Variants in AK8 observed in about 807,000 individuals in gnomAD.
AK8 encodes the protein adenylate kinase 8.
Under a neutral mutation model 54.6 loss-of-function variants are expected in AK8, and 44 were observed. The ratio of observed to expected loss-of-function variants is 0.81; its 90% CI spans 0.63 to 1.04. The LOEUF (loss-of-function observed/expected upper bound fraction) is 1.04. AK8 is among the 50% of genes least tolerant of loss of function. The probability of loss-of-function intolerance (pLI) is 0.00; values close to 1 mark genes in which losing one functional copy is unlikely to be tolerated. For synonymous variants in AK8, 239 were observed against 245.6 expected (o/e 0.97, Z 0.25); for missense variants, 555 against 613.6 (o/e 0.90, Z 1.01).
intron 11 of AK8, among the ~76,000 whole-genome samples, chr9:132,752,216 T>C (rs1389734562): frequency 6.6e-6 from 1 of 151,702 alleles, no homozygotes; most frequent in African/African-American, 2.4e-5. Flanking sequence ...TATCTTTGGA[T>C]ATTGGAAATA....
chr9:132,827,192 C>T (rs117516258), intron 7 of AK8, 138 bp from the exon 8 acceptor site: 27,505 of 758,550 alleles, frequency 0.036, 637 homozygotes, highest in Non-Finnish European at 0.045. Flanking sequence ...GGCAGGACAC[C>T]GTTGCTCAAC....
At chr9:132,877,953 C>G (rs1383175594) in intron 1 of AK8, 3 of 1,233,028 alleles carry the variant, frequency 2.4e-6, no homozygotes, top group Non-Finnish European at 3.4e-6. Context: ...CCTTCCTCCC[C>G]CTGGGTCCGC....
At position 132,863,746 on chromosome 9, in the gene AK8, A is replaced by C; in HGVS notation, c.252T>G (p.Ser84Arg). The C allele has an allele frequency of 1.2e-6, 2 of 1,614,100 alleles. No homozygotes were observed. The highest frequency in any genetic ancestry group is 1.7e-6 in the Non-Finnish European group (2 of 1,179,990). ...AGATCAGGTTCTCCAGGGTGAGGAG[A>C]CTGCTGTTCAGATGTTTGCAGAGCC... ...AMWLCKHLNS[S>R]LLTLENLILN... is the part of the protein sequence containing the mutation. Residue 84 changes from serine (S) to arginine (R), a missense_variant, in exon 4 of 13, where the codon AGT becomes AGG. Ser to Arg is a moderately radical substitution (Grantham distance 110). Transcript: ENST00000298545.
chr9:132,796,533 G>GAA (rs1471255260), intron 10 of AK8, among the ~76,000 whole-genome samples: 1 of 152,112 alleles, frequency 6.6e-6, no homozygotes, highest in African/African-American at 2.4e-5. Context: ...AAATGATCTA[G>GAA]AATGTCCATC....
chr9:132,833,185 G>A (rs1842178798), intron 5 of AK8, among the ~76,000 whole-genome samples: 1 of 152,220 alleles, frequency 6.6e-6, no homozygotes, highest in Non-Finnish European at 1.5e-5. Flanking sequence ...TGCAGGCTTG[G>A]GGCTCAGAAA....
chr9:132,766,696 T>C (rs1365997820), intron 11 of AK8, among the ~76,000 whole-genome samples: 8 of 152,062 alleles, frequency 5.3e-5, no homozygotes, highest in Admixed American at 5.2e-4. Context: ...CAAAACAATT[T>C]TGAGCAAAAA....
chr9:132,784,756 A>G (rs1368515505), intron 11 of AK8, among the ~76,000 whole-genome samples: 3 of 152,226 alleles, frequency 2.0e-5, no homozygotes, highest in Non-Finnish European at 4.4e-5. Flanking sequence ...CAGGAAGTTT[A>G]GTATCTATGT....
At chr9:132,754,414 G>A (rs768767649) in intron 11 of AK8, among the ~76,000 whole-genome samples, 1 of 152,174 alleles carries the variant, frequency 6.6e-6, no homozygotes, top group African/African-American at 2.4e-5. Flanking sequence ...GGCACCCAGC[G>A]TGTAACACTG....
intron 11 of AK8, among the ~76,000 whole-genome samples, chr9:132,775,999 C>T (rs1839200235): frequency 6.6e-6 from 1 of 152,254 alleles, no homozygotes; most frequent in Admixed American, 6.5e-5. Context: ...AACAGGCTGT[C>T]ATAAACTAAG....
At chr9:132,783,527 C>T (rs543579137) in intron 11 of AK8, among the ~76,000 whole-genome samples, 1 of 149,568 alleles carries the variant, frequency 6.7e-6, no homozygotes, top group East Asian at 2.0e-4. Flanking sequence ...CATCTTGGGA[C>T]CCAGTTATAG....
chr9:132,769,446 G>C (rs1432318179), intron 11 of AK8: 2 of 152,212 alleles, frequency 1.3e-5, no homozygotes, highest in East Asian at 3.8e-4. Flanking sequence ...TCCCGGGAGG[G>C]ACCTTAGACT....
chr9:132,790,892 C>A lies in AK8; in HGVS notation c.1121+1742G>T, dbSNP rs1839918935. Among the ~76,000 whole-genome samples, 2 of 151,788 alleles carry A rather than the reference C, an allele frequency of 1.3e-5. No individual in the cohort carries two copies. Among genetic ancestry groups the A allele is most frequent in the Admixed American group, 6.6e-5 (1 of 15,228 alleles). ...TGTCTTTTGTATACTCTTGAAAAAC[C>A]CCCTTAGAAAATATGGAATGAAAAT... On this transcript the variant is annotated intron_variant, in intron 11 of 12. Transcript: ENST00000298545. This position sits in a 1 kb window ranked among gnomAD's most constrained non-coding sequence, Gnocchi z 4.1.
chr9:132,795,262 A>G (rs1840109227), intron 10 of AK8, among the ~76,000 whole-genome samples: 4 of 152,042 alleles, frequency 2.6e-5, no homozygotes, highest in African/African-American at 7.2e-5. Flanking sequence ...AAAGCTCGGG[A>G]GGGAGCTGGC....
chr9:132,784,483 C>T (rs754985540), intron 11 of AK8, among the ~76,000 whole-genome samples: 12 of 151,750 alleles, frequency 7.9e-5, no homozygotes, highest in Non-Finnish European at 1.2e-4. Flanking sequence ...TGCGCCATTC[C>T]GGCCTGGATG....
intron 11 of AK8, among the ~76,000 whole-genome samples, chr9:132,731,890 A>C (rs1836864181): frequency 6.6e-6 from 1 of 152,210 alleles, no homozygotes; most frequent in Non-Finnish European, 1.5e-5. Flanking sequence ...ACAAAAAACA[A>C]AGGTAGGTGG....
chr9:132,754,413 C>T (rs1344357204), intron 11 of AK8, among the ~76,000 whole-genome samples: 1 of 152,116 alleles, frequency 6.6e-6, no homozygotes, highest in East Asian at 1.9e-4. Context: ...GGGCACCCAG[C>T]GTGTAACACT....
At chr9:132,835,948 AC>A (rs1257250191) in intron 5 of AK8, among the ~76,000 whole-genome samples, 3 of 151,980 alleles carry the variant, frequency 2.0e-5, no homozygotes, top group African/African-American at 7.3e-5. Context: ...ACATGGAGAA[AC>A]CCCGTCTCTA....
intron 6 of AK8, 141 bp from the exon 7 acceptor site, chr9:132,828,225 G>A (rs1000501093): frequency 1.7e-5 from 12 of 725,166 alleles, no homozygotes; most frequent in Admixed American, 5.3e-5. Flanking sequence ...TCCCATCCCC[G>A]TGAATTCCTA....
intron 11 of AK8, among the ~76,000 whole-genome samples, chr9:132,733,480 C>G (rs564148525): frequency 5.3e-5 from 8 of 152,344 alleles, no homozygotes; most frequent in African/African-American, 1.9e-4. Context: ...AGACTTTTAA[C>G]CCAGCGTACC....
Sources: allele counts gnomAD v4.1 joint callset (sites outside exome capture counted in the v4.1 genomes callset), GRCh38; gene constraint gnomAD v4.1.1; non-coding constraint Gnocchi (gnomAD v3.1); transcripts MANE v1.5; gene names NCBI Gene and HGNC (gene_info 2026-07-23, HGNC 2026-07-21).